Variants in NFAM1 observed in about 807,000 individuals in gnomAD.
NFAM1 encodes the protein NFAT activating protein with ITAM motif 1.
A neutral mutation model predicts 29.0 loss-of-function variants in NFAM1; 17 were observed. The observed-to-expected ratio is 0.59, with a 90% CI of 0.40 to 0.88. NFAM1 has a LOEUF of 0.88. Among genes scored for constraint, NFAM1 ranks in the 40% least tolerant of loss-of-function variants. The pLI is 0.00. For synonymous variants in NFAM1, 175 were observed against 147.2 expected, an observed-to-expected ratio of 1.19 and a Z score of -1.36; for missense variants, 324 against 344.6, an observed-to-expected ratio of 0.94 and a Z score of 0.47.
In NFAM1 at chr22:42,415,277, CCTTT is replaced by C. The variant is rs1201969569; in HGVS notation, c.122-3545_122-3542del. Among the ~76,000 whole-genome samples, 27 of 150,688 alleles carry C rather than the reference CCTTT, an allele frequency of 1.8e-4. 1 individual carries two copies. Among genetic ancestry groups the C allele is most frequent in the Middle Eastern group, 3.4e-3 (1 of 292 alleles). The stretch of plus-strand genomic sequence containing the variant: ...ACCACCTCCCCTGCACCTACACCTT[CCTTT>C]CTTTCTTTCTTTCTTTTTTTTTTTT... On this transcript the variant is annotated intron_variant, in intron 1 of 5. Coordinates refer to ENST00000329021, the MANE Select transcript of NFAM1 (RefSeq NM_145912.8).
intron 1 of NFAM1, 118 bp downstream of exon 1, chr22:42,432,119 C>T (rs1162670072): frequency 7.5e-6 from 7 of 935,920 alleles, no homozygotes; most frequent in African/African-American, 1.6e-5. Flanking sequence ...AGCGTTCAAA[C>T]GACAACCAGC....
At chr22:42,433,027 C>T (rs1337293165), upstream of NFAM1, among the ~76,000 whole-genome samples, 1 of 152,180 alleles carries the variant, frequency 6.6e-6, no homozygotes, top group African/African-American at 2.4e-5. Flanking sequence ...TGTGGCTGCC[C>T]TAAAGCTTAG....
intron 4 of NFAM1, 43 bp from the exon 5 acceptor site, chr22:42,387,121 G>A: frequency 8.4e-7 from 1 of 1,196,196 alleles, no homozygotes. Flanking sequence ...AGTGTGTAGA[G>A]GGGCAGTCCC....
chr22:42,407,546 T>C (rs188671042), intron 3 of NFAM1, among the ~76,000 whole-genome samples: 62 of 152,120 alleles, frequency 4.1e-4, no homozygotes, highest in African/African-American at 9.9e-4. Context: ...TGTTTTTGTA[T>C]TTTTAGTAGA....
rs1929034340 is a variant in NFAM1, at chr22:42,383,689, T to A, written c.*1472A>T. 1 of 152,828 alleles carries A rather than the reference T, an allele frequency of 6.5e-6. No homozygotes were observed. Among genetic ancestry groups the A allele is most frequent in the South Asian group, 2.1e-4 (1 of 4,828 alleles). 9.5% of individuals were successfully genotyped at this position (152,828 alleles called of 1,614,324 possible). A position where few individuals can be genotyped will look rare whatever the true frequency, so the allele number is the denominator to read the frequency against. ...CATGACCTGCAGAACCAAAGGTGCT[T>A]CTGTGAGCCAGTAGCCCAGTGCTGC... On this transcript the variant is annotated 3_prime_UTR_variant, in exon 6 of 6. Coordinates refer to ENST00000329021, the MANE Select transcript of NFAM1 (RefSeq NM_145912.8).
intron 1 of NFAM1, among the ~76,000 whole-genome samples, chr22:42,415,147 A>G (rs1384589781): frequency 1.3e-5 from 2 of 152,090 alleles, no homozygotes; most frequent in African/African-American, 4.8e-5. Context: ...AGCTCAGTCA[A>G]TAACAACGTC....
chr22:42,411,587 T>G lies in NFAM1; in HGVS notation c.271A>C (p.Arg91=), dbSNP rs1569232115. 6.2e-7 allele frequency: 1 copy of G among 1,614,232 alleles called. No homozygotes were observed. Among genetic ancestry groups the G allele is most frequent in the Admixed American group, 1.7e-5 (1 of 60,026 alleles). The change falls in exon 2 of 6, where the codon AGG becomes CGG. Residue 91 remains arginine (R), a synonymous_variant. Transcript: ENST00000329021. ...CAGTTTGTTGGCTTCTTAGGGCTCC[T>G]CTGTCCCTGGAGATCTTCATGAAAG... The part of the protein sequence containing the change: ...SYFHEDLQGQ[R]SPKKPTNCHP...
intron 1 of NFAM1, among the ~76,000 whole-genome samples, chr22:42,421,631 A>C (rs1189006534): frequency 5.9e-5 from 9 of 152,024 alleles, no homozygotes; most frequent in African/African-American, 2.2e-4. Flanking sequence ...ACTGCATGGA[A>C]CTCAATCCCT....
At chr22:42,427,254 T>C (rs1171760418) in intron 1 of NFAM1, among the ~76,000 whole-genome samples, 1 of 152,098 alleles carries the variant, frequency 6.6e-6, no homozygotes, top group Non-Finnish European at 1.5e-5. Flanking sequence ...CGGGTCCACA[T>C]TTCCCCAGGA....
intron 3 of NFAM1, among the ~76,000 whole-genome samples, chr22:42,400,315 T>C (rs1354388853): frequency 6.6e-6 from 1 of 152,176 alleles, no homozygotes; most frequent in Non-Finnish European, 1.5e-5. Flanking sequence ...GGGCATGGAA[T>C]TGCCCGTTTA....
upstream of NFAM1, among the ~76,000 whole-genome samples, chr22:42,436,006 G>T (rs1930931713): frequency 6.6e-6 from 1 of 151,910 alleles, no homozygotes; most frequent in African/African-American, 2.4e-5. Context: ...TTTTAGTAGA[G>T]ATAGGGTTTT....
At chr22:42,424,523 C>G (rs1930560370) in intron 1 of NFAM1, among the ~76,000 whole-genome samples, 1 of 152,300 alleles carries the variant, frequency 6.6e-6, no homozygotes, top group Non-Finnish European at 1.5e-5. Flanking sequence ...TTCAGCTGAA[C>G]AGTTCTGCCA....
chr22:42,426,729 G>A (rs1275179864), intron 1 of NFAM1, among the ~76,000 whole-genome samples: 1 of 152,186 alleles, frequency 6.6e-6, no homozygotes, highest in African/African-American at 2.4e-5. Context: ...GTCTCAGGGT[G>A]CAGAGGAATA....
At chr22:42,412,109 G>A (rs958966588) in intron 1 of NFAM1, among the ~76,000 whole-genome samples, 1 of 152,152 alleles carries the variant, frequency 6.6e-6, no homozygotes, top group Admixed American at 6.6e-5. Context: ...GTGTATGCCT[G>A]TAATCCCAGC....
At chr22:42,386,267 G>T (rs1262790819) in intron 5 of NFAM1, among the ~76,000 whole-genome samples, 3 of 151,856 alleles carry the variant, frequency 2.0e-5, no homozygotes, top group Non-Finnish European at 4.4e-5. Context: ...CCAGCTACTC[G>T]GGAGGCTGAG....
upstream of NFAM1, among the ~76,000 whole-genome samples, chr22:42,435,097 G>T (rs1930908553): frequency 6.6e-6 from 1 of 152,194 alleles, no homozygotes; most frequent in African/African-American, 2.4e-5. Flanking sequence ...TGCTCTCCTT[G>T]CCAGTTTAAT....
intron 1 of NFAM1, among the ~76,000 whole-genome samples, chr22:42,430,485 A>G (rs145037598): frequency 0.011 from 1,529 of 145,218 alleles, 24 homozygotes; most frequent in African/African-American, 0.037. Context: ...ACTTGAACCC[A>G]GGAGGCAGAG....
At chr22:42,426,251 C>T (rs1206026999) in intron 1 of NFAM1, among the ~76,000 whole-genome samples, 2 of 152,180 alleles carry the variant, frequency 1.3e-5, no homozygotes, top group Middle Eastern at 3.2e-3. Flanking sequence ...GGCAGTGAGG[C>T]TGTTTGCGGT....
At chr22:42,413,299 A>G (rs1930154036) in intron 1 of NFAM1, among the ~76,000 whole-genome samples, 2 of 152,290 alleles carry the variant, frequency 1.3e-5, no homozygotes, top group South Asian at 4.1e-4. Context: ...GAGGGAGGCC[A>G]GGCTCATCTC....
Sources: gnomAD v4.1 joint callset for allele counts (sites outside exome capture counted in the v4.1 genomes callset) on GRCh38, gnomAD v4.1.1 for gene constraint, MANE v1.5 for transcripts, NCBI Gene and HGNC (gene_info 2026-07-23, HGNC 2026-07-21) for gene names.